The following PLEKHA1 variants were observed in gnomAD, a reference collection of about 807,000 sequenced individuals.
PLEKHA1 encodes pleckstrin homology domain-containing family A member 1.
A neutral mutation model predicts 52.0 loss-of-function variants in PLEKHA1; 34 were observed. The ratio of observed to expected loss-of-function variants is 0.65; its 90% CI spans 0.50 to 0.87. PLEKHA1 has a LOEUF of 0.87. PLEKHA1 is among the 40% of genes least tolerant of loss of function. The pLI, the probability that PLEKHA1 is intolerant of heterozygous loss-of-function variation, is 0.00. For synonymous variants in PLEKHA1, 163 were observed against 170.7 expected (o/e 0.95, Z 0.35); for missense variants, 497 against 504.2 (o/e 0.99, Z 0.14).
the PLEKHA1 span, chr10:122,441,213 T>C: frequency 2.6e-5 from 4 of 152,208 alleles, no homozygotes; most frequent in Non-Finnish European, 4.4e-5. Flanking sequence ...CTCACACCTA[T>C]AATCGCAGCA....
chr10:122,376,928 A>T (rs1250479750), intron 1 of PLEKHA1, among the ~76,000 whole-genome samples: 2 of 152,232 alleles, frequency 1.3e-5, no homozygotes, highest in Non-Finnish European at 2.9e-5. Context: ...GAAAGGTGGA[A>T]ACATTTTACA....
At chr10:122,424,423 G>A (rs2097308664) in intron 9 of PLEKHA1, among the ~76,000 whole-genome samples, 160 bp downstream of exon 9, 2 of 151,984 alleles carry the variant, frequency 1.3e-5, no homozygotes, top group Admixed American at 1.3e-4. Flanking sequence ...AACCCTCAGA[G>A]TAAAGTATTG....
At chr10:122,381,704 C>G (rs577607219) in intron 1 of PLEKHA1, among the ~76,000 whole-genome samples, 1 of 152,256 alleles carries the variant, frequency 6.6e-6, no homozygotes, top group South Asian at 2.1e-4. Flanking sequence ...GAACGGACTA[C>G]CACAGGGTGA....
intron 6 of PLEKHA1, among the ~76,000 whole-genome samples, chr10:122,413,719 C>G (rs1020695416): frequency 1.3e-5 from 2 of 151,948 alleles, no homozygotes; most frequent in African/African-American, 4.8e-5. Context: ...AAACTCTTGT[C>G]TGAGCTTGAA....
intron 6 of PLEKHA1, among the ~76,000 whole-genome samples, chr10:122,413,255 A>G (rs139191322): frequency 1.2e-3 from 183 of 152,278 alleles, no homozygotes; most frequent in African/African-American, 3.3e-3. Flanking sequence ...GCCTTTCTTC[A>G]TGTACTTTTC....
intron 2 of PLEKHA1, among the ~76,000 whole-genome samples, chr10:122,396,446 T>G (rs2096850362): frequency 6.6e-6 from 1 of 152,130 alleles, no homozygotes; most frequent in Non-Finnish European, 1.5e-5. Flanking sequence ...ATATGCATAT[T>G]TACTATTGAT....
At chr10:122,417,863 G>A in intron 7 of PLEKHA1, 37 bp from the exon 8 acceptor site, 1 of 1,508,626 alleles carries the variant, frequency 6.6e-7, no homozygotes, top group South Asian at 1.1e-5. Context: ...GACATTCTTA[G>A]AAACACAAGT....
chr10:122,393,074 C>T lies in PLEKHA1; in HGVS notation c.-20-107C>T, dbSNP rs879045168. 2.5e-6 allele frequency: 2 copies of T among 790,450 alleles called. No homozygotes were observed. The highest frequency in any genetic ancestry group is 2.4e-5 in the South Asian group (1 of 41,242). The allele number at this position is 790,450 out of a possible 1,614,324, so 49.0% of individuals were successfully genotyped here. ...GTTGGTGTGTGTTCATTTTAATTGA[C>T]CTTACCTAATGTTGGCAAGTTGCCC... On this transcript the variant is annotated intron_variant, in intron 1 of 11. Transcript: ENST00000368990. The surrounding 1 kb of genome is among the most constrained non-coding windows in gnomAD (Gnocchi z 4.5).
At chr10:122,417,595 G>A (rs1018024400) in intron 7 of PLEKHA1, among the ~76,000 whole-genome samples, 1 of 146,790 alleles carries the variant, frequency 6.8e-6, no homozygotes, top group African/African-American at 2.6e-5. Flanking sequence ...GCAGTGAGCC[G>A]AGATCGCGCC....
At chr10:122,415,347 A>G (rs1277978936) in intron 6 of PLEKHA1, among the ~76,000 whole-genome samples, 2 of 152,172 alleles carry the variant, frequency 1.3e-5, no homozygotes, top group African/African-American at 2.4e-5. Flanking sequence ...GTGATGACCA[A>G]TTCTGGGTCT....
At chr10:122,415,780 G>C (rs1269540198) in intron 6 of PLEKHA1, 79 bp from the exon 7 acceptor site, 22 of 1,362,664 alleles carry the variant, frequency 1.6e-5, no homozygotes, top group African/African-American at 2.9e-5. Flanking sequence ...TGGATTTTAA[G>C]ATTTTCTACT....
intron 11 of PLEKHA1, among the ~76,000 whole-genome samples, chr10:122,428,995 T>G (rs1246066989): frequency 1.3e-5 from 2 of 152,184 alleles, no homozygotes; most frequent in Admixed American, 1.3e-4. Flanking sequence ...TTGTTACCTT[T>G]AAAATATTAA....
chr10:122,429,935 G>A lies in PLEKHA1; in HGVS notation c.1212G>A (p.Val404=), dbSNP rs2097402323. The A allele has an allele frequency of 6.2e-7, 1 of 1,610,498 alleles. No homozygotes were observed. The highest frequency in any genetic ancestry group is 1.7e-5 in the Admixed American group (1 of 59,770). The change falls in exon 12 of 12, where the codon GTG becomes GTA. Residue 404 remains valine (V), a synonymous_variant. Transcript: ENST00000368990. ...ATGCGAGCCTTCCGGTCAGTGACGT[G>A]TGAGGCAGAAGCGCACGGAGCCTGC... ...LDDASLPVSD[V] is the part of the protein sequence containing the mutation.
At chr10:122,416,887 T>A (rs1347677390) in intron 7 of PLEKHA1, 1 of 154,164 alleles carries the variant, frequency 6.5e-6, no homozygotes, top group Non-Finnish European at 1.5e-5. Flanking sequence ...GAATGTCCTT[T>A]CACCTGTTTG....
chr10:122,416,466 T>A (rs971075340), intron 7 of PLEKHA1, among the ~76,000 whole-genome samples: 1 of 152,204 alleles, frequency 6.6e-6, no homozygotes, highest in African/African-American at 2.4e-5. Context: ...GCCCTCAGTT[T>A]CTGTCTTAAG....
chr10:122,383,314 TTTTTTTTTTTTC>T (rs1467232238), intron 1 of PLEKHA1, among the ~76,000 whole-genome samples: 2 of 18,446 alleles, frequency 1.1e-4, no homozygotes, highest in Non-Finnish European at 5.7e-4. Flanking sequence ...TTTCTTTCTG[TTTTTTTTTTTTC>T]TTTTTTTTTT....
chr10:122,417,877 A>G (rs548403217), intron 7 of PLEKHA1, 23 bp from the exon 8 acceptor site: 20 of 1,577,230 alleles, frequency 1.3e-5, no homozygotes, highest in Admixed American at 1.7e-5. Flanking sequence ...CACAAGTCTT[A>G]TGTCTGTGTT....
chr10:122,424,579 A>G (rs752740349), intron 9 of PLEKHA1, among the ~76,000 whole-genome samples: 3 of 152,224 alleles, frequency 2.0e-5, no homozygotes, highest in Non-Finnish European at 4.4e-5. Flanking sequence ...GATTTGACAA[A>G]TTGATGTATT....
In PLEKHA1 at chr10:122,430,329, AG is replaced by A. The variant is rs1288529635; in HGVS notation, c.*393del. ...AAATGCTACAATGACTTCCTATTAAAGGTTCAATATTTACACATTCTTATTG... is the reference window on the plus strand; with the variant it reads ...AAATGCTACAATGACTTCCTATTAAAGTTCAATATTTACACATTCTTATTG... On this transcript the variant is annotated 3_prime_UTR_variant, in exon 12 of 12. Transcript: ENST00000368990. The A allele has an allele frequency of 6.2e-6, 1 of 162,286 alleles. No homozygotes were observed. Among genetic ancestry groups the A allele is most frequent in the Non-Finnish European group, 1.3e-5 (1 of 74,526 alleles). 10.1% of individuals were successfully genotyped at this position (162,286 alleles called of 1,614,324 possible).
Sources: gnomAD v4.1 joint callset for allele counts (sites outside exome capture counted in the v4.1 genomes callset) on GRCh38, gnomAD v4.1.1 for gene constraint, Gnocchi (gnomAD v3.1) non-coding constraint, MANE v1.5 for transcripts, NCBI Gene and HGNC (gene_info 2026-07-23, HGNC 2026-07-21) for gene names.